Variants in GLI2 observed in about 807,000 individuals in gnomAD.
The protein encoded by GLI2 is transcription activator GLI2.
GLI2 carries 22 observed loss-of-function variants against 78.9 expected under a neutral mutation model. The observed-to-expected ratio is 0.28, with a 90% CI of 0.20 to 0.40. The LOEUF is 0.40. Among genes scored for constraint, GLI2 ranks in the 10% least tolerant of loss-of-function variants. The pLI is 1.00. For missense variants in GLI2, 2,097 were observed against 2,213.2 expected, an observed-to-expected ratio of 0.95 and a Z score of 1.05; for synonymous variants, 974 against 963.7, an observed-to-expected ratio of 1.01 and a Z score of -0.20.
chr2:120,920,553 C>T (rs757581817), intron 2 of GLI2, among the ~76,000 whole-genome samples: 1 of 152,220 alleles, frequency 6.6e-6, no homozygotes, highest in Non-Finnish European at 1.5e-5. Context: ...ACACTGCCCA[C>T]ACCAATGTCT....
At chr2:120,913,516 G>C (rs749073720) in intron 2 of GLI2, among the ~76,000 whole-genome samples, 1 of 152,082 alleles carries the variant, frequency 6.6e-6, no homozygotes, top group Non-Finnish European at 1.5e-5. Context: ...GGCCCACATT[G>C]TATTTCTGTT....
intron 1 of GLI2, among the ~76,000 whole-genome samples, chr2:120,749,278 A>G (rs942065302): frequency 6.6e-6 from 1 of 152,248 alleles, no homozygotes; most frequent in Non-Finnish European, 1.5e-5. Context: ...CTTAAAAAAT[A>G]TAAGTTAACC....
chr2:120,808,332 G>A (rs1685058727), intron 2 of GLI2, among the ~76,000 whole-genome samples: 2 of 152,148 alleles, frequency 1.3e-5, no homozygotes, highest in Admixed American at 6.5e-5. Flanking sequence ...CCCACCATTA[G>A]GTGTTTACCC....
At chr2:120,889,035 A>G (rs1677552061) in intron 2 of GLI2, among the ~76,000 whole-genome samples, 1 of 152,188 alleles carries the variant, frequency 6.6e-6, no homozygotes, top group African/African-American at 2.4e-5. Context: ...CTGTCCAGAA[A>G]GGGCCCCTCC....
At chr2:120,874,919 A>G (rs1054576957) in intron 2 of GLI2, among the ~76,000 whole-genome samples, 3 of 152,140 alleles carry the variant, frequency 2.0e-5, no homozygotes, top group Non-Finnish European at 4.4e-5. Flanking sequence ...AGTCATTTCT[A>G]GGAGGTATAC....
chr2:120,968,952 AG>A, intron 6 of GLI2, 37 bp downstream of exon 6: 1 of 1,549,532 alleles, frequency 6.5e-7, no homozygotes, highest in Non-Finnish European at 8.8e-7. Context: ...TGAGGACCAG[AG>A]CTGGGCTGAG....
rs1286945762 is a variant in GLI2 at position 120,922,043 on chromosome 2, A to G, written c.149-5318A>G. Among the ~76,000 whole-genome samples the G allele has an allele frequency of 3.9e-5, 6 of 152,054 alleles. No individual in the cohort carries two copies. The East Asian group carries it at 1.2e-3, about 29-fold the overall frequency. On this transcript the variant is annotated intron_variant, in intron 2 of 13. Coordinates refer to ENST00000361492, the MANE Select transcript of GLI2 (RefSeq NM_001374353.1). ...TCCTCCTTAGCTTCATCCCCCTCTG[A>G]CACTATGTTATAAATATGTTTGCTG... is the stretch of plus-strand genomic sequence containing the variant.
chr2:120,852,072 G>T (rs1294572385), intron 2 of GLI2, among the ~76,000 whole-genome samples: 1 of 152,208 alleles, frequency 6.6e-6, no homozygotes, highest in African/African-American at 2.4e-5. Context: ...GGGACAAGGA[G>T]CCTGACTCCA....
intron 2 of GLI2, among the ~76,000 whole-genome samples, chr2:120,824,292 A>G (rs1685931455): frequency 6.6e-6 from 1 of 152,184 alleles, no homozygotes; most frequent in Non-Finnish European, 1.5e-5. Context: ...GCAGCAACAA[A>G]TTTACTCGCT....
chr2:120,951,354 G>A lies in GLI2; in HGVS notation c.366G>A (p.Val122=), dbSNP rs745508607. The A allele has an allele frequency of 8.7e-6, 14 of 1,603,986 alleles. No homozygotes were observed. The South Asian group carries it at 1.3e-4, about 15-fold the overall frequency. Residue 122 remains valine, a synonymous_variant, in exon 4 of 14, where the codon GTG becomes GTA. Coordinates refer to ENST00000361492, the MANE Select transcript of GLI2 (RefSeq NM_001374353.1). The stretch of plus-strand genomic sequence containing the variant: ...CCTTCAACGCCCCCCACCCGTACGT[G>A]AACCCCCACATGGAGCACTACCTCC... ...ESPFNAPHPY[V]NPHMEHYLRS...
chr2:120,867,307 G>T (rs1346281766), intron 2 of GLI2: 1 of 152,182 alleles, frequency 6.6e-6, no homozygotes, highest in African/African-American at 2.4e-5. Context: ...TCTGAGAAAG[G>T]CACCCGCAGG....
At chr2:120,797,598 C>T (rs986904518) in intron 2 of GLI2, 130 bp downstream of exon 2, 4 of 848,072 alleles carry the variant, frequency 4.7e-6, no homozygotes, top group Non-Finnish European at 5.6e-6. Context: ...GAGGAAGGCA[C>T]CTCTGCTCCC....
Position 120,972,027 on chromosome 2 carries a change from G to A in GLI2, c.1146G>A (p.Glu382=), listed in dbSNP as rs752456796. Residue 382 remains glutamate (E), a synonymous_variant, in exon 8 of 14, where the codon GAG becomes GAA. Coordinates refer to ENST00000361492, the MANE Select transcript of GLI2 (RefSeq NM_001374353.1). ...GCAGCAAGGTCAAGACCGAGCCTGA[G>A]GGCCTGCGGCCGGCCTCCCCTCTGG... The part of the protein sequence containing the change: ...HKRSKVKTEP[E]GLRPASPLAL... 4 of 1,613,538 alleles carry A rather than the reference G, an allele frequency of 2.5e-6. No individual in the cohort carries two copies. Among genetic ancestry groups the A allele is most frequent in the South Asian group, 2.2e-5 (2 of 91,086 alleles).
intron 10 of GLI2, among the ~76,000 whole-genome samples, chr2:120,978,974 G>T (rs746547403): frequency 1.3e-5 from 2 of 152,214 alleles, no homozygotes; most frequent in Non-Finnish European, 2.9e-5. Context: ...CTTGAGCAAT[G>T]ATGGGTTAAA....
chr2:120,774,474 G>A (rs747590), intron 1 of GLI2, among the ~76,000 whole-genome samples: 2,557 of 152,058 alleles, frequency 0.017, 61 homozygotes, highest in East Asian at 0.12. Flanking sequence ...ATTAGCAGTC[G>A]CTCCCCATCC....
chr2:120,991,600 G>C lies in GLI2; in HGVS notation c.*925G>C, dbSNP rs756883324. On this transcript the variant is annotated 3_prime_UTR_variant, in exon 14 of 14. Transcript: ENST00000361492. ...GGGCCCAGCCTCAGGCTGCCCTAGGGATCTCTCAGTAGGAAGAGGAAGTTG... is the reference window on the plus strand; with the variant it reads ...GGGCCCAGCCTCAGGCTGCCCTAGGCATCTCTCAGTAGGAAGAGGAAGTTG... 2 of 152,634 alleles carry C rather than the reference G, an allele frequency of 1.3e-5. No homozygotes were observed. The highest frequency in any genetic ancestry group is 2.9e-5 in the Non-Finnish European group (2 of 68,054). 9.5% of individuals were successfully genotyped at this position (152,634 alleles called of 1,614,324 possible).
At chr2:120,860,092 G>C (rs1017830764) in intron 2 of GLI2, among the ~76,000 whole-genome samples, 1 of 152,176 alleles carries the variant, frequency 6.6e-6, no homozygotes, top group African/African-American at 2.4e-5. Flanking sequence ...GCAGGTGCAC[G>C]CCCTCCTCCT....
chr2:120,797,468 G>A lies in GLI2; in HGVS notation c.148G>A (p.Val50Met), dbSNP rs1348627341. ...AGCAGCAGCGGTAGCTGCCCAAGGA[G>A]GTACTTTCTGTTTCGCACACTTGGA... ...AAAAAVAAQGVPQHLLPPFHA... is the reference protein window; with the variant it reads ...AAAAAVAAQGMPQHLLPPFHA... Residue 50 changes from valine to methionine, a missense_variant and splice_region_variant, in exon 2 of 14, where the codon GTG (valine) becomes ATG (methionine). Physicochemically the swap from Val to Met is conservative, Grantham distance 21. Around this residue, in one of 5 missense-constraint regions of GLI2, gnomAD observed 578 missense variants for 612.0 expected, o/e 0.94. Coordinates refer to ENST00000361492, the MANE Select transcript of GLI2 (RefSeq NM_001374353.1). 2.1e-5 allele frequency: 34 copies of A among 1,613,598 alleles called. No individual in the cohort carries two copies. The highest frequency in any genetic ancestry group is 2.8e-5 in the Non-Finnish European group (33 of 1,179,740).
Position 120,797,522 on chromosome 2 carries a change from G to A in GLI2, c.148+54G>A, listed in dbSNP as rs115905153. 146 of 1,552,342 alleles carry A rather than the reference G, an allele frequency of 9.4e-5. No individual in the cohort carries two copies. In the African/African-American group the frequency reaches 9.8e-4, roughly 10 times the overall value. ...CAGCAGGGGTGTTTTTCATTAGCCCGTTAGGATTTAATTAGAGTGGTGGCC... is the reference window on the plus strand; with the variant it reads ...CAGCAGGGGTGTTTTTCATTAGCCCATTAGGATTTAATTAGAGTGGTGGCC... On this transcript the variant is annotated intron_variant, in intron 2 of 13. Coordinates refer to ENST00000361492, the MANE Select transcript of GLI2 (RefSeq NM_001374353.1).
Sources: allele counts gnomAD v4.1 joint callset (sites outside exome capture counted in the v4.1 genomes callset), GRCh38; gene constraint gnomAD v4.1.1; regional missense constraint gnomAD v4.1.1; transcripts MANE v1.5; gene names NCBI Gene and HGNC (gene_info 2026-07-23, HGNC 2026-07-21).